Variants in CTSO observed in about 807,000 individuals in gnomAD.
CTSO encodes cathepsin O.
CTSO carries 40 observed loss-of-function variants against 42.4 expected under a neutral mutation model. That is an observed-to-expected ratio of 0.94 (90% CI 0.73 to 1.23). The LOEUF (loss-of-function observed/expected upper bound fraction) is 1.23, where lower values mean the gene tolerates loss of function less well. Ranked by LOEUF, CTSO falls within the 50% of genes most tolerant of loss-of-function variation. The pLI is 0.00. For synonymous variants in CTSO, 156 were observed against 146.2 expected, an observed-to-expected ratio of 1.07 and a Z score of -0.48; for missense variants, 441 against 396.0, an observed-to-expected ratio of 1.11 and a Z score of -0.96.
rs1463712493 is a variant in CTSO at position 155,937,804 on chromosome 4, T to TG, written c.553-322dup. ...TAATTTTTTGTATTTTTTGTAAAGA[T>TG]GGGGTCTCACTCTGTTGCCCAGGCT... On this transcript the variant is annotated intron_variant, in intron 4 of 7. Transcript: ENST00000433477. 5.9e-5 allele frequency among the ~76,000 whole-genome samples: 9 copies of TG among 152,144 alleles called. No individual in the cohort carries two copies. In the South Asian group the frequency reaches 1.9e-3, roughly 32 times the overall value.
intron 5 of CTSO, among the ~76,000 whole-genome samples, chr4:155,934,961 TG>T (rs544674965): frequency 1.3e-5 from 2 of 152,128 alleles, no homozygotes; most frequent in Non-Finnish European, 2.9e-5. Flanking sequence ...ACATGAGATT[TG>T]GAGGGGCCAG....
Position 155,937,447 on chromosome 4 carries a change from A to G in CTSO, c.589T>C (p.Phe197Leu). The G allele has an allele frequency of 1.2e-6, 2 of 1,613,416 alleles. No homozygotes were observed. The highest frequency in any genetic ancestry group is 1.1e-5 in the South Asian group (1 of 90,982). ...TGGCACAGACCATTTTGTGCTTTAA[A>G]AGGATATTCTGAATCTTTCACCAGT... Reference protein sequence around the residue: ...VKLVKDSEYPFKAQNGLCHYF... With the variant: ...VKLVKDSEYPLKAQNGLCHYF... Residue 197 changes from phenylalanine (F) to leucine (L), a missense_variant, in exon 5 of 8, where the codon TTT becomes CTT. Transcript: ENST00000433477.
chr4:155,953,614 C>T (rs1050268793), intron 1 of CTSO, 99 bp downstream of exon 1: 1 of 1,217,698 alleles, frequency 8.2e-7, no homozygotes, highest in East Asian at 3.2e-5. Context: ...CGGGTGCCCA[C>T]GAGCAGGGTC....
intron 1 of CTSO, among the ~76,000 whole-genome samples, chr4:155,949,059 A>G (rs1304942236): frequency 6.6e-6 from 1 of 152,238 alleles, no homozygotes; most frequent in Non-Finnish European, 1.5e-5. Flanking sequence ...CTCTACAAGG[A>G]AAGTTCTCAG....
At chr4:155,926,487 G>A (rs1262964113) in intron 7 of CTSO, among the ~76,000 whole-genome samples, 1 of 152,132 alleles carries the variant, frequency 6.6e-6, no homozygotes. Flanking sequence ...AATCACGAGT[G>A]TGCTATGCTT....
At chr4:155,934,592 A>C (rs1245123719) in intron 5 of CTSO, among the ~76,000 whole-genome samples, 1 of 152,210 alleles carries the variant, frequency 6.6e-6, no homozygotes, top group Non-Finnish European at 1.5e-5. Context: ...GAGGTGCTCA[A>C]GACCATTAGA....
At position 155,937,478 on chromosome 4, in the gene CTSO, T is replaced by TTGCATCTAAAAGAAAACAATCA; in HGVS notation, c.553-17_557dup (p.Gln186HisfsTer20). The TTGCATCTAAAAGAAAACAATCA allele has an allele frequency of 6.2e-7, 1 of 1,612,922 alleles. No individual in the cohort carries two copies. The highest frequency in any genetic ancestry group is 1.3e-5 in the African/African-American group (1 of 75,028). On this transcript the variant is annotated frameshift_variant, in exon 5 of 8. Coordinates refer to ENST00000433477, the MANE Select transcript of CTSO (RefSeq NM_001334.3). LOFTEE classifies it high-confidence loss of function. ...ATTCTGAATCTTTCACCAGTTTTACTTGCATCTAAAAGAAAACAATCACTG... is the reference window on the plus strand; with the variant it reads ...ATTCTGAATCTTTCACCAGTTTTACTTGCATCTAAAAGAAAACAATCATGCATCTAAAAGAAAACAATCACTG...
chr4:155,932,743 G>A (rs924713071), intron 5 of CTSO, among the ~76,000 whole-genome samples: 3 of 152,080 alleles, frequency 2.0e-5, no homozygotes, highest in African/African-American at 7.2e-5. Context: ...AGCACTAACT[G>A]GTTTAATCAA....
intron 6 of CTSO, among the ~76,000 whole-genome samples, chr4:155,928,638 T>A (rs1007362942): frequency 1.3e-5 from 2 of 152,210 alleles, no homozygotes; most frequent in South Asian, 2.1e-4. Flanking sequence ...TAGAAATATA[T>A]GTTTGAATTC....
chr4:155,945,613 G>C (rs28696057), intron 1 of CTSO, among the ~76,000 whole-genome samples: 1 of 152,016 alleles, frequency 6.6e-6, no homozygotes, highest in African/African-American at 2.4e-5. Context: ...ATTATCCTTT[G>C]AGAAAATCAA....
rs201875903 is a variant in CTSO at position 155,929,309 on chromosome 4, C to T, written c.838+233G>A. Among the ~76,000 whole-genome samples the T allele has an allele frequency of 1.6e-4, 24 of 152,334 alleles. No homozygotes were observed. In the East Asian group the frequency reaches 2.7e-3, roughly 17 times the overall value. ...GTGAGACCCCTGATTTCCCACTCCACACTCTATATTTCTGTGTGTGTGTCT... is the reference window on the plus strand; with the variant it reads ...GTGAGACCCCTGATTTCCCACTCCATACTCTATATTTCTGTGTGTGTGTCT... On this transcript the variant is annotated intron_variant, in intron 6 of 7. Transcript: ENST00000433477.
chr4:155,949,747 C>T lies in CTSO; in HGVS notation c.135+3966G>A, dbSNP rs753127544. On this transcript the variant is annotated intron_variant, in intron 1 of 7. Coordinates refer to ENST00000433477, the MANE Select transcript of CTSO (RefSeq NM_001334.3). ...AAATATTTGTATACAAAGAGCATCA[C>T]TGAGAATTTCTTGGAAGACTTAGGA... 9.9e-4 allele frequency among the ~76,000 whole-genome samples: 151 copies of T among 152,202 alleles called. 3 individuals are homozygous for T. Among genetic ancestry groups the T allele is most frequent in the Non-Finnish European group, 2.5e-4 (17 of 68,030 alleles).
At chr4:155,945,839 G>C (rs928972108) in intron 1 of CTSO, among the ~76,000 whole-genome samples, 13 of 152,168 alleles carry the variant, frequency 8.5e-5, no homozygotes, top group East Asian at 1.9e-4. Context: ...TGCTAGGTTG[G>C]TTTAAAATTT....
intron 7 of CTSO, among the ~76,000 whole-genome samples, chr4:155,927,270 TA>T (rs1274407131): frequency 1.3e-5 from 2 of 152,182 alleles, no homozygotes; most frequent in African/African-American, 4.8e-5. Context: ...ATTCTGCATT[TA>T]AAAAAATTGT....
At chr4:155,942,097 G>A (rs1217774735) in intron 3 of CTSO, among the ~76,000 whole-genome samples, 1 of 151,970 alleles carries the variant, frequency 6.6e-6, no homozygotes. Context: ...CAATTAGTAA[G>A]AGTACACAGC....
Position 155,943,210 on chromosome 4 carries a change from T to C in CTSO, c.190A>G (p.Thr64Ala). 10 of 1,612,462 alleles carry C rather than the reference T, an allele frequency of 6.2e-6. No individual in the cohort carries two copies. The highest frequency in any genetic ancestry group is 8.5e-6 in the Non-Finnish European group (10 of 1,178,836). ...LNSLFPSENS[T>A]AFYGINQFSY... ...AACTGATTTATTCCATAGAAGGCGGTGGAGTTTTCACTGGGAAATAAAGAA... is the reference window on the plus strand; with the variant it reads ...AACTGATTTATTCCATAGAAGGCGGCGGAGTTTTCACTGGGAAATAAAGAA... Residue 64 changes from threonine (T) to alanine (A), a missense_variant, in exon 2 of 8, where the codon ACC (threonine) becomes GCC (alanine). By Grantham distance (58) the Thr-to-Ala change is moderately conservative. Transcript: ENST00000433477.
Position 155,942,312 on chromosome 4 carries a change from C to A in CTSO, c.384+5G>T, listed in dbSNP as rs376651987. ...GATTAGAAAAGAAGAGGGATTTCAA[C>A]GTACCATCTGCTGGTTTCTCACTTG... On this transcript the variant is annotated splice_donor_5th_base_variant and intron_variant, in intron 3 of 7. Coordinates refer to ENST00000433477, the MANE Select transcript of CTSO (RefSeq NM_001334.3). 1.3e-6 allele frequency: 2 copies of A among 1,555,380 alleles called. No homozygotes were observed. The highest frequency in any genetic ancestry group is 1.7e-6 in the Non-Finnish European group (2 of 1,153,842).
Position 155,926,089 on chromosome 4 carries a change from AT to A in CTSO, c.932-20del. ...GCAATACCTAAGGGAAAAAAAAGGA[AT>A]TATTAGTCTATTTCCTCTTTAGATG... On this transcript the variant is annotated intron_variant, in intron 7 of 7. Coordinates refer to ENST00000433477, the MANE Select transcript of CTSO (RefSeq NM_001334.3). 1 of 1,530,220 alleles carries A rather than the reference AT, an allele frequency of 6.5e-7. No individual in the cohort carries two copies. The highest frequency in any genetic ancestry group is 8.9e-7 in the Non-Finnish European group (1 of 1,120,278). The allele number at this position is 1,530,220 out of a possible 1,614,324, so 94.8% of individuals were successfully genotyped here. A position where few individuals can be genotyped will look rare whatever the true frequency, so the allele number is the denominator to read the frequency against.
intron 1 of CTSO, among the ~76,000 whole-genome samples, chr4:155,946,825 T>C (rs1743555462): frequency 6.6e-6 from 1 of 152,194 alleles, no homozygotes; most frequent in South Asian, 2.1e-4. Flanking sequence ...TTAAAAGTAC[T>C]TCCTTGGAGG....
Sources: allele counts gnomAD v4.1 joint callset (sites outside exome capture counted in the v4.1 genomes callset), GRCh38; gene constraint gnomAD v4.1.1; transcripts MANE v1.5; gene names NCBI Gene and HGNC (gene_info 2026-07-23, HGNC 2026-07-21).